CCDC85C: variants seen among roughly 807,000 people sequenced by gnomAD.
CCDC85C encodes the protein coiled-coil domain containing 85C.
Under a neutral mutation model 38.3 loss-of-function variants are expected in CCDC85C, and 18 were observed. The ratio of observed to expected loss-of-function variants is 0.47; its 90% CI spans 0.33 to 0.70. The LOEUF (loss-of-function observed/expected upper bound fraction) is 0.70, where lower values mean the gene tolerates loss of function less well. CCDC85C is among the 30% of genes least tolerant of loss of function. The pLI, the probability that CCDC85C is intolerant of heterozygous loss-of-function variation, is 0.03. For missense variants in CCDC85C, 566 were observed against 621.2 expected (o/e 0.91, Z 0.94); for synonymous variants, 264 against 293.8 (o/e 0.90, Z 1.04).
intron 1 of CCDC85C, among the ~76,000 whole-genome samples, chr14:99,539,158 C>T (rs1329716038): frequency 6.6e-6 from 1 of 152,142 alleles, no homozygotes; most frequent in Non-Finnish European, 1.5e-5. Context: ...CCAGTAATTC[C>T]AGTGGAATCT....
chr14:99,541,036 C>T (rs1203029027), intron 1 of CCDC85C, among the ~76,000 whole-genome samples: 1 of 152,174 alleles, frequency 6.6e-6, no homozygotes, highest in African/African-American at 2.4e-5. Context: ...ACCTCCACCT[C>T]CCCTCCAGAC....
chr14:99,577,739 TCA>T (rs1473886531), intron 1 of CCDC85C, among the ~76,000 whole-genome samples: 1 of 137,312 alleles, frequency 7.3e-6, no homozygotes, highest in Non-Finnish European at 1.5e-5. Flanking sequence ...GCATCCCCCA[TCA>T]GTGTGTGTGT....
chr14:99,562,406 A>G (rs540316596), intron 1 of CCDC85C, among the ~76,000 whole-genome samples: 1 of 152,326 alleles, frequency 6.6e-6, no homozygotes, highest in South Asian at 2.1e-4. Flanking sequence ...ACAATCACTG[A>G]GGAACAGTAA....
intron 1 of CCDC85C, among the ~76,000 whole-genome samples, chr14:99,587,574 G>C (rs372019142): frequency 6.6e-6 from 1 of 152,140 alleles, no homozygotes; most frequent in Non-Finnish European, 1.5e-5. Context: ...CAGCCCCTCC[G>C]CAAGGTCAGT....
intron 1 of CCDC85C, among the ~76,000 whole-genome samples, chr14:99,583,422 T>G (rs2054993854): frequency 6.7e-6 from 1 of 149,712 alleles, no homozygotes; most frequent in African/African-American, 2.5e-5. Flanking sequence ...GAGAATCACT[T>G]GAACGTGGGA....
intron 1 of CCDC85C, among the ~76,000 whole-genome samples, chr14:99,540,733 C>T (rs565298792): frequency 4.5e-4 from 68 of 152,342 alleles, no homozygotes; most frequent in Admixed American, 2.0e-3. Context: ...CTCCCTACAA[C>T]GTTCTTGTGT....
chr14:99,546,353 G>A (rs1213150789), intron 1 of CCDC85C, among the ~76,000 whole-genome samples: 1 of 152,052 alleles, frequency 6.6e-6, no homozygotes, highest in African/African-American at 2.4e-5. Flanking sequence ...GAGGTGGGAG[G>A]TGCAGCAGGT....
chr14:99,572,589 T>A lies in CCDC85C; in HGVS notation c.793+30578A>T, dbSNP rs1333773829. 1 of 439,746 alleles carries A rather than the reference T, an allele frequency of 2.3e-6. No individual in the cohort carries two copies. Among genetic ancestry groups the A allele is most frequent in the Non-Finnish European group, 4.6e-6 (1 of 217,722 alleles). The allele number at this position is 439,746 out of a possible 1,614,324, so 27.2% of individuals were successfully genotyped here. ...AGGGCCTGGTCAGCTCCGGGAAAGC[T>A]CTGACATCTGTCCTTTGCTGGAAAC... On this transcript the variant is annotated intron_variant, in intron 1 of 5. Transcript: ENST00000380243. The surrounding 1 kb of genome is among the most constrained non-coding windows in gnomAD (Gnocchi z 4.4).
chr14:99,602,351 C>G (rs2055208205), intron 1 of CCDC85C, among the ~76,000 whole-genome samples: 1 of 152,226 alleles, frequency 6.6e-6, no homozygotes, highest in Non-Finnish European at 1.5e-5. Flanking sequence ...GCCAAAGTTC[C>G]TCCCACCCAC....
At position 99,588,685 on chromosome 14, in the gene CCDC85C, G is replaced by A. The variant is rs191510607; in HGVS notation, c.793+14482C>T. On this transcript the variant is annotated intron_variant, in intron 1 of 5. Transcript: ENST00000380243. The surrounding 1 kb of genome is among the most constrained non-coding windows in gnomAD (Gnocchi z 5.0). ...CTGGGGTCAGGTCATTCCCCCACCC[G>A]TATAAGCACTTGGAAGGTGGTCCTG... Among the ~76,000 whole-genome samples the A allele has an allele frequency of 7.6e-3, 1,153 of 152,098 alleles. 16 individuals carry two copies. The highest frequency in any genetic ancestry group is 0.026 in the African/African-American group (1,094 of 41,476).
Position 99,500,616 on chromosome 14 carries a change from T to G in CCDC85C, c.*14630A>C. ...AATTTATCAGTGTCTCTGAGCATGTTAAAAGTCTGAGTGGGAGAGAAAGGA... is the reference window on the plus strand; with the variant it reads ...AATTTATCAGTGTCTCTGAGCATGTGAAAAGTCTGAGTGGGAGAGAAAGGA... On this transcript the variant is annotated 3_prime_UTR_variant, in exon 6 of 6. Coordinates refer to ENST00000380243, the MANE Select transcript of CCDC85C (RefSeq NM_001144995.2). The G allele has an allele frequency of 1.6e-6, 1 of 638,868 alleles. No homozygotes were observed. Among genetic ancestry groups the G allele is most frequent in the South Asian group, 1.9e-5 (1 of 52,990 alleles). 39.6% of individuals were successfully genotyped at this position (638,868 alleles called of 1,614,324 possible).
chr14:99,531,965 T>C (rs1212405256), intron 2 of CCDC85C, among the ~76,000 whole-genome samples: 5 of 152,326 alleles, frequency 3.3e-5, no homozygotes, highest in Middle Eastern at 3.4e-3. Flanking sequence ...GCCTTCCTTA[T>C]TCTGAGCAAG....
intron 1 of CCDC85C, among the ~76,000 whole-genome samples, chr14:99,571,196 G>C (rs1385310114): frequency 2.0e-5 from 3 of 152,104 alleles, no homozygotes; most frequent in Non-Finnish European, 4.4e-5. Flanking sequence ...GATCATGGGG[G>C]AGGGGCTGGG....
At position 99,533,551 on chromosome 14, in the gene CCDC85C, A is replaced by G. The variant is rs930683975; in HGVS notation, c.867+2464T>C. Reference sequence around the variant, plus strand: ...GTTTCTGTCCCTAAATTCCAGTCCAACTGCCTGCAGCCAGCAAGCCTGTGT... The same window carrying G: ...GTTTCTGTCCCTAAATTCCAGTCCAGCTGCCTGCAGCCAGCAAGCCTGTGT... On this transcript the variant is annotated intron_variant, in intron 2 of 5. Transcript: ENST00000380243. The surrounding 1 kb of genome is among the most constrained non-coding windows in gnomAD (Gnocchi z 4.2). Among the ~76,000 whole-genome samples the G allele has an allele frequency of 3.3e-5, 5 of 152,232 alleles. No homozygotes were observed. The highest frequency in any genetic ancestry group is 5.9e-5 in the Non-Finnish European group (4 of 68,038).
At chr14:99,577,454 C>T (rs1361191108) in intron 1 of CCDC85C, among the ~76,000 whole-genome samples, 1 of 144,666 alleles carries the variant, frequency 6.9e-6, no homozygotes, top group African/African-American at 2.6e-5. Context: ...CCATGTCTGC[C>T]GCCCACTTGC....
At position 99,516,392 on chromosome 14, in the gene CCDC85C, G is replaced by A. The variant is rs1897226018; in HGVS notation, c.1072-106C>T. The stretch of plus-strand genomic sequence containing the variant: ...CTCCCCTGCTGCGAACCAAAGCTGA[G>A]GACCCTGAGCCGCTGGGCCCCTGGG... On this transcript the variant is annotated intron_variant, in intron 4 of 5. Coordinates refer to ENST00000380243, the MANE Select transcript of CCDC85C (RefSeq NM_001144995.2). This position sits in a 1 kb window ranked among gnomAD's most constrained non-coding sequence, Gnocchi z 5.5. 1 of 821,354 alleles carries A rather than the reference G, an allele frequency of 1.2e-6. No homozygotes were observed. The highest frequency in any genetic ancestry group is 2.0e-6 in the Non-Finnish European group (1 of 502,468). 50.9% of individuals were successfully genotyped at this position (821,354 alleles called of 1,614,324 possible).
chr14:99,517,300 AC>A, intron 3 of CCDC85C, 117 bp from the exon 4 acceptor site: 1 of 793,262 alleles, frequency 1.3e-6, no homozygotes, highest in Non-Finnish European at 2.0e-6. Context: ...GGAAAAGGGG[AC>A]CGGGGTGAGG....
chr14:99,539,449 G>A (rs1425811289), intron 1 of CCDC85C, among the ~76,000 whole-genome samples: 1 of 132,038 alleles, frequency 7.6e-6, no homozygotes, highest in East Asian at 2.2e-4. Flanking sequence ...CAGCCTGGGT[G>A]ACAGAGTGAG....
intron 2 of CCDC85C, among the ~76,000 whole-genome samples, chr14:99,532,829 T>A (rs1897520638): frequency 6.6e-6 from 1 of 150,790 alleles, no homozygotes; most frequent in African/African-American, 2.4e-5. Flanking sequence ...TTTCCCGGGT[T>A]GGAGTGCAGT....
Sources: allele counts gnomAD v4.1 joint callset (sites outside exome capture counted in the v4.1 genomes callset), GRCh38; gene constraint gnomAD v4.1.1; non-coding constraint Gnocchi (gnomAD v3.1); transcripts MANE v1.5; gene names NCBI Gene and HGNC (gene_info 2026-07-23, HGNC 2026-07-21).